The following GLG1 variants were observed in gnomAD, a reference collection of about 807,000 sequenced individuals.
GLG1 encodes golgi glycoprotein 1, also known as Golgi apparatus protein 1.
A neutral mutation model predicts 160.5 loss-of-function variants in GLG1; 38 were observed. The observed-to-expected ratio is 0.24, with a 90% CI of 0.18 to 0.31. The LOEUF (loss-of-function observed/expected upper bound fraction) is 0.31, where lower values mean the gene tolerates loss of function less well. GLG1 is among the 10% of genes least tolerant of loss of function. GLG1 has a pLI of 1.00. For missense variants in GLG1, 1,373 were observed against 1,505.2 expected (o/e 0.91, Z 1.45); for synonymous variants, 644 against 543.4 (o/e 1.19, Z -2.57).
chr16:74,535,290 A>G (rs892807294), intron 1 of GLG1, among the ~76,000 whole-genome samples: 20 of 152,408 alleles, frequency 1.3e-4, no homozygotes, highest in African/African-American at 4.1e-4. Flanking sequence ...ATTGGAAAGC[A>G]CAGAGCACTA....
At position 74,485,847 on chromosome 16, in the gene GLG1, C is replaced by G; in HGVS notation, c.1520G>C (p.Cys507Ser). ...GCAGGCTGTCTGGATTACAGATTCA[C>G]AAGCTTCATTCAAAGCTCGATCAAT... is the stretch of plus-strand genomic sequence containing the variant. ...YRIDRALNEA[C>S]ESVIQTACKH... The change falls in exon 9 of 26, where the codon TGT becomes TCT. Residue 507 changes from cysteine to serine, a missense_variant. Around this residue, in one of 4 missense-constraint regions of GLG1, gnomAD observed 386 missense variants for 388.5 expected, o/e 0.99. Transcript: ENST00000422840. 1 of 1,613,066 alleles carries G rather than the reference C, an allele frequency of 6.2e-7. No individual in the cohort carries two copies. Among genetic ancestry groups the G allele is most frequent in the Non-Finnish European group, 8.5e-7 (1 of 1,179,036 alleles).
rs1235826407 is a variant in GLG1, at chr16:74,545,441, A to G, written c.439-13288T>C. On this transcript the variant is annotated intron_variant, in intron 1 of 25. Transcript: ENST00000422840. ...AGGGATCCACACACCTCAGCCTCCC[A>G]AAGTGCTGGGATTACCAGCATGAGC... is the stretch of plus-strand genomic sequence containing the variant. 2.6e-5 allele frequency among the ~76,000 whole-genome samples: 4 copies of G among 152,150 alleles called. No individual in the cohort carries two copies. In the East Asian group the frequency reaches 5.8e-4, roughly 22 times the overall value.
chr16:74,577,322 G>T (rs1445959943), intron 1 of GLG1, among the ~76,000 whole-genome samples: 2 of 152,098 alleles, frequency 1.3e-5, no homozygotes, highest in Non-Finnish European at 2.9e-5. Flanking sequence ...AGGAGTTCGA[G>T]ATCAGGCTGG....
intron 18 of GLG1, among the ~76,000 whole-genome samples, chr16:74,466,339 T>C (rs1166558585): frequency 6.6e-6 from 1 of 152,190 alleles, no homozygotes; most frequent in African/African-American, 2.4e-5. Flanking sequence ...TCACTCAAAA[T>C]ACAAAAGCAT....
intron 21 of GLG1, 68 bp downstream of exon 21, chr16:74,462,420 A>T (rs1000581204): frequency 2.1e-5 from 31 of 1,463,496 alleles, no homozygotes; most frequent in Non-Finnish European, 4.7e-6. Context: ...TAGGGATTTC[A>T]AAAGAGAAAA....
At chr16:74,589,073 C>T (rs1958116749) in intron 1 of GLG1, among the ~76,000 whole-genome samples, 2 of 151,658 alleles carry the variant, frequency 1.3e-5, no homozygotes, top group African/African-American at 2.4e-5. Context: ...GAAACCCCGT[C>T]TCTACAAAAA....
chr16:74,489,196 C>T (rs537700706), intron 8 of GLG1, among the ~76,000 whole-genome samples: 9 of 152,168 alleles, frequency 5.9e-5, no homozygotes, highest in Admixed American at 5.9e-4. Context: ...TTAGGCCGGG[C>T]ATGGTGGCTT....
At chr16:74,551,995 T>C (rs908796766) in intron 1 of GLG1, among the ~76,000 whole-genome samples, 5 of 151,758 alleles carry the variant, frequency 3.3e-5, no homozygotes, top group Non-Finnish European at 7.4e-5. Context: ...AAGAGTTAAG[T>C]TTAATCTAAA....
At chr16:74,531,636 T>C (rs1402412912) in intron 2 of GLG1, among the ~76,000 whole-genome samples, 2 of 152,122 alleles carry the variant, frequency 1.3e-5, no homozygotes, top group African/African-American at 4.8e-5. Context: ...CTCATCTCCA[T>C]TATTAAGCCT....
chr16:74,591,621 C>T (rs897036400), intron 1 of GLG1, among the ~76,000 whole-genome samples: 1 of 151,958 alleles, frequency 6.6e-6, no homozygotes, highest in East Asian at 1.9e-4. Context: ...GAGCAAGACT[C>T]TGTCTCGAAA....
At chr16:74,604,081 G>A (rs1016597668) in intron 1 of GLG1, among the ~76,000 whole-genome samples, 3 of 151,886 alleles carry the variant, frequency 2.0e-5, no homozygotes, top group Admixed American at 6.6e-5. Flanking sequence ...ACTTGAACCC[G>A]GAATGTGGAG....
At chr16:74,537,865 C>T (rs2017729232) in intron 1 of GLG1, among the ~76,000 whole-genome samples, 1 of 151,364 alleles carries the variant, frequency 6.6e-6, no homozygotes, top group African/African-American at 2.4e-5. Context: ...TCTGAATGTT[C>T]TCAAATCAAC....
chr16:74,498,566 T>C (rs1597271100), intron 4 of GLG1, among the ~76,000 whole-genome samples: 1 of 144,476 alleles, frequency 6.9e-6, no homozygotes, highest in East Asian at 2.0e-4. Flanking sequence ...ATAATCTGCA[T>C]ATAATAAAAA....
chr16:74,468,843 T>C, intron 17 of GLG1, 103 bp downstream of exon 17: 3 of 742,690 alleles, frequency 4.0e-6, no homozygotes, highest in Non-Finnish European at 7.4e-6. Context: ...GTCTTAACCA[T>C]CACAGTAGTG....
intron 1 of GLG1, among the ~76,000 whole-genome samples, chr16:74,595,122 A>C (rs1214717085): frequency 6.6e-6 from 1 of 151,484 alleles, no homozygotes; most frequent in Non-Finnish European, 1.5e-5. Flanking sequence ...CGGGAGGCGG[A>C]GCTTGCAGTG....
At chr16:74,500,937 A>G (rs376595166) in intron 4 of GLG1, among the ~76,000 whole-genome samples, 1 of 152,202 alleles carries the variant, frequency 6.6e-6, no homozygotes, top group South Asian at 2.1e-4. Flanking sequence ...TTTTGAAATC[A>G]TGACATTTAT....
intron 16 of GLG1, chr16:74,469,553 A>C (rs1597233453): frequency 1.1e-5 from 2 of 185,030 alleles, no homozygotes; most frequent in East Asian, 1.3e-4. Flanking sequence ...TTCCTCAAAA[A>C]GACTTAATTC....
intron 1 of GLG1, among the ~76,000 whole-genome samples, chr16:74,580,345 A>G (rs1436618602): frequency 5.9e-5 from 9 of 151,844 alleles, no homozygotes. Context: ...AAAAAACCAA[A>G]CAAAAAAACC....
Position 74,490,955 on chromosome 16 carries a change from G to A in GLG1, c.1449+46C>T, listed in dbSNP as rs762871099. 4.4e-6 allele frequency: 6 copies of A among 1,351,432 alleles called. No homozygotes were observed. In the South Asian group the frequency reaches 7.1e-5, roughly 16 times the overall value. 83.7% of individuals were successfully genotyped at this position (1,351,432 alleles called of 1,614,324 possible). A position where few individuals can be genotyped will look rare whatever the true frequency, so the allele number is the denominator to read the frequency against. ...GACAGCATCAGGAAGAGGCTCTTCAGCTGATAAATGTGACATTCAAAATGG... is the reference window on the plus strand; with the variant it reads ...GACAGCATCAGGAAGAGGCTCTTCAACTGATAAATGTGACATTCAAAATGG... On this transcript the variant is annotated intron_variant, in intron 8 of 25. Transcript: ENST00000422840.
Sources: gnomAD v4.1 joint callset for allele counts (sites outside exome capture counted in the v4.1 genomes callset) on GRCh38, gnomAD v4.1.1 for gene constraint, gnomAD v4.1.1 regional missense constraint, MANE v1.5 for transcripts, NCBI Gene and HGNC (gene_info 2026-07-23, HGNC 2026-07-21) for gene names.